NUP133: variants seen among roughly 807,000 people sequenced by gnomAD.
NUP133 encodes the protein nuclear pore complex protein Nup133.
NUP133 carries 66 observed loss-of-function variants against 146.2 expected under a neutral mutation model. That is an observed-to-expected ratio of 0.45 (90% CI 0.37 to 0.55). NUP133 has a LOEUF of 0.55. NUP133 is among the 20% of genes least tolerant of loss of function. The pLI, the probability that NUP133 is intolerant of heterozygous loss-of-function variation, is 0.00. For synonymous variants in NUP133, 521 were observed against 498.8 expected (o/e 1.04, Z -0.59); for missense variants, 1,277 against 1,374.8 (o/e 0.93, Z 1.12).
chr1:229,490,376 C>T (rs1245817522), intron 8 of NUP133, among the ~76,000 whole-genome samples: 1 of 147,562 alleles, frequency 6.8e-6, no homozygotes, highest in East Asian at 2.0e-4. Flanking sequence ...GTGGTATATC[C>T]ATACAAAAGA....
chr1:229,444,977 C>G lies in NUP133; in HGVS notation c.3271G>C (p.Asp1091His). The change falls in exon 25 of 26, where the codon GAT becomes CAT. Residue 1091 changes from aspartate to histidine, a missense_variant. Transcript: ENST00000261396. ...DNWSSSDGKDDPIEVSKDSIF... is the reference protein window; with the variant it reads ...DNWSSSDGKDHPIEVSKDSIF... ...CTGTCTTTAGATACTTCAATTGGAT[C>G]ATCTTTGCCATCAGAACTGGACCAG... The G allele has an allele frequency of 6.2e-7, 1 of 1,612,340 alleles. No homozygotes were observed. Among genetic ancestry groups the G allele is most frequent in the South Asian group, 1.1e-5 (1 of 90,664 alleles).
chr1:229,500,897 A>G (rs1359595085), intron 3 of NUP133, 34 bp from the exon 4 acceptor site: 2 of 1,388,098 alleles, frequency 1.4e-6, no homozygotes, highest in African/African-American at 1.4e-5. Flanking sequence ...AATCTTTCAC[A>G]TCAAATCCAG....
intron 4 of NUP133, among the ~76,000 whole-genome samples, chr1:229,500,135 T>C (rs1661760774): frequency 6.6e-6 from 1 of 152,206 alleles, no homozygotes; most frequent in South Asian, 2.1e-4. Context: ...CTTTGCTGGA[T>C]ACATGATTTG....
At chr1:229,507,729 T>C (rs1661981408) in intron 1 of NUP133, among the ~76,000 whole-genome samples, 1 of 152,184 alleles carries the variant, frequency 6.6e-6, no homozygotes, top group Non-Finnish European at 1.5e-5. Flanking sequence ...AGGTGAGATA[T>C]ATTATCGCCA....
intron 15 of NUP133, among the ~76,000 whole-genome samples, chr1:229,467,855 G>T (rs1312188027): frequency 6.6e-6 from 1 of 151,298 alleles, no homozygotes; most frequent in African/African-American, 2.4e-5. Context: ...AACCAAGGAG[G>T]CCGAGGCTGC....
chr1:229,441,504 A>G lies in NUP133; in HGVS notation c.*400T>C, dbSNP rs2102741877. The G allele has an allele frequency of 1.9e-6, 1 of 523,340 alleles. No individual in the cohort carries two copies. The highest frequency in any genetic ancestry group is 1.4e-5 in the South Asian group (1 of 69,534). 32.4% of individuals were successfully genotyped at this position (523,340 alleles called of 1,614,324 possible). On this transcript the variant is annotated 3_prime_UTR_variant, in exon 26 of 26. Coordinates refer to ENST00000261396, the MANE Select transcript of NUP133 (RefSeq NM_018230.3). ...ATATCAAACACCCTAGATTCTCTTC[A>G]GTGCAAAGTATCTGGAGTCACAGCA...
rs942367096 is a variant in NUP133, at chr1:229,449,123, T to C, written c.3245+3A>G. ...CCAAAGAAGCAATGCCACGAGCACT[T>C]ACTTATCTCTCTGAAGAGCTTTGCA... On this transcript the variant is annotated splice_donor_region_variant and intron_variant, in intron 24 of 25. Coordinates refer to ENST00000261396, the MANE Select transcript of NUP133 (RefSeq NM_018230.3). The C allele has an allele frequency of 3.1e-6, 5 of 1,609,470 alleles. No individual in the cohort carries two copies. The highest frequency in any genetic ancestry group is 1.7e-4 in the Middle Eastern group (1 of 6,002).
intron 6 of NUP133, among the ~76,000 whole-genome samples, chr1:229,496,426 AT>A (rs1661657813): frequency 6.6e-6 from 1 of 152,178 alleles, no homozygotes; most frequent in Admixed American, 6.5e-5. Context: ...GTGAGCCGAG[AT>A]CGCACCACTG....
At chr1:229,489,361 CTTCT>C (rs1473785212) in intron 9 of NUP133, among the ~76,000 whole-genome samples, 2 of 152,136 alleles carry the variant, frequency 1.3e-5, no homozygotes, top group Admixed American at 1.3e-4. Context: ...TAATCAATAC[CTTCT>C]TTCTACCTAA....
chr1:229,505,606 G>A (rs1159234999), intron 2 of NUP133, among the ~76,000 whole-genome samples: 1 of 149,388 alleles, frequency 6.7e-6, no homozygotes, highest in Admixed American at 6.7e-5. Context: ...AAGACAGGTG[G>A]CCAGATGTGG....
chr1:229,497,899 C>G (rs1348724730), intron 6 of NUP133, among the ~76,000 whole-genome samples: 15 of 152,058 alleles, frequency 9.9e-5, no homozygotes, highest in African/African-American at 3.6e-4. Flanking sequence ...AGTTTTAGTT[C>G]AAAAAATGTA....
intron 5 of NUP133, among the ~76,000 whole-genome samples, chr1:229,498,763 GA>G (rs536811534): frequency 0.28 from 27,058 of 96,346 alleles, 2,410 homozygotes; most frequent in Middle Eastern, 0.43. Context: ...CTCGAAAAAA[GA>G]AAAAAAAAAA....
At chr1:229,490,472 A>C (rs1661481932) in intron 8 of NUP133, among the ~76,000 whole-genome samples, 1 of 152,150 alleles carries the variant, frequency 6.6e-6, no homozygotes, top group South Asian at 2.1e-4. Flanking sequence ...CAGACTCAAA[A>C]GGCTTTACAC....
chr1:229,495,688 TA>T (rs539398161), intron 7 of NUP133, 123 bp from the exon 8 acceptor site: 7,067 of 722,434 alleles, frequency 9.8e-3, no homozygotes, highest in South Asian at 0.014. Context: ...ATGTATACAT[TA>T]AAAAAAAAAT....
chr1:229,491,970 T>C (rs902310029), intron 8 of NUP133, among the ~76,000 whole-genome samples: 1 of 152,196 alleles, frequency 6.6e-6, no homozygotes, highest in African/African-American at 2.4e-5. Context: ...AATTTCAAAC[T>C]GCTATATATG....
In NUP133 at chr1:229,442,867, G is replaced by A. The variant is rs1204524563; in HGVS notation, c.3335-827C>T. Among the ~76,000 whole-genome samples the A allele has an allele frequency of 4.0e-5, 6 of 151,756 alleles. No homozygotes were observed. The East Asian group carries it at 5.8e-4, about 15-fold the overall frequency. ...ATTACAGGTGCCCACCACTACACCC[G>A]GCTAATTTTTTGTATTTTTAGTAGA... On this transcript the variant is annotated intron_variant, in intron 25 of 25. Transcript: ENST00000261396.
intron 2 of NUP133, among the ~76,000 whole-genome samples, chr1:229,503,477 G>T (rs957699310): frequency 6.6e-6 from 1 of 152,152 alleles, no homozygotes; most frequent in East Asian, 1.9e-4. Context: ...AAAGAGTTAC[G>T]TTCTCTATTA....
At position 229,483,133 on chromosome 1, in the gene NUP133, C is replaced by G. The variant is rs1347881364; in HGVS notation, c.1592+921G>C. Among the ~76,000 whole-genome samples the G allele has an allele frequency of 1.1e-4, 16 of 152,174 alleles. 1 individual carries two copies. The highest frequency in any genetic ancestry group is 1.0e-3 in the Admixed American group (16 of 15,288). ...GCTTTTTTTGAGACAGGGACTTGAT[C>G]TGTCACTCAGGCTAGAATGCAGTGG... On this transcript the variant is annotated intron_variant, in intron 12 of 25. Coordinates refer to ENST00000261396, the MANE Select transcript of NUP133 (RefSeq NM_018230.3).
rs1435703224 is a variant in NUP133, at chr1:229,452,655, G to A, written c.2981-12C>T. 1.0e-5 allele frequency: 16 copies of A among 1,576,338 alleles called. No homozygotes were observed. The highest frequency in any genetic ancestry group is 1.4e-5 in the Non-Finnish European group (16 of 1,150,224). On this transcript the variant is annotated splice_polypyrimidine_tract_variant and intron_variant, in intron 21 of 25. Coordinates refer to ENST00000261396, the MANE Select transcript of NUP133 (RefSeq NM_018230.3). ...CTGCTCAGCCATTTCTAGTATTCAA[G>A]ATGAGAGGGAGGGAAAGAGAATATG...
Sources: allele counts gnomAD v4.1 joint callset (sites outside exome capture counted in the v4.1 genomes callset), GRCh38; gene constraint gnomAD v4.1.1; transcripts MANE v1.5; gene names NCBI Gene and HGNC (gene_info 2026-07-23, HGNC 2026-07-21).